CEP162: variants seen among roughly 807,000 people sequenced by gnomAD.
CEP162 encodes centrosomal protein of 162 kDa.
In CEP162, 141 loss-of-function variants were observed where a neutral mutation model predicts 169.2. The observed-to-expected ratio is 0.83, with a 90% confidence interval of 0.73 to 0.96. The LOEUF (loss-of-function observed/expected upper bound fraction) is 0.96, where lower values mean the gene tolerates loss of function less well. CEP162 is among the 40% of genes least tolerant of loss of function. The probability of loss-of-function intolerance (pLI) is 0.00; values close to 1 mark genes in which losing one functional copy is unlikely to be tolerated. For synonymous variants in CEP162, 540 were observed against 526.4 expected (o/e 1.03, Z -0.35); for missense variants, 1,600 against 1,587.2 (o/e 1.01, Z -0.14).
intron 3 of CEP162, among the ~76,000 whole-genome samples, chr6:84,216,591 A>T (rs1484882677): frequency 6.6e-6 from 1 of 152,202 alleles, no homozygotes; most frequent in East Asian, 1.9e-4. Flanking sequence ...GCTAATATAT[A>T]TTAAGCATAT....
rs750760907 is a variant in CEP162 at position 84,186,616 on chromosome 6, T to C, written c.1117A>G (p.Lys373Glu). The C allele has an allele frequency of 6.2e-7, 1 of 1,600,430 alleles. No homozygotes were observed. Among genetic ancestry groups the C allele is most frequent in the Non-Finnish European group, 8.5e-7 (1 of 1,174,896 alleles). Residue 373 changes from lysine (K) to glutamate (E), a missense_variant, in exon 12 of 27, where the codon AAA becomes GAA. Coordinates refer to ENST00000403245, the MANE Select transcript of CEP162 (RefSeq NM_014895.4). ...GFDLQPVSSEKVAERKETEFF... is the reference protein window; with the variant it reads ...GFDLQPVSSEEVAERKETEFF... ...TCAGTTTCTTTTCTTTCGGCCACTT[T>C]CTCAGAGCTATAAAACAAAACAGGA...
At chr6:84,194,363 AAAAAG>A (rs1386180611) in intron 10 of CEP162, among the ~76,000 whole-genome samples, 5 of 143,932 alleles carry the variant, frequency 3.5e-5, no homozygotes, top group East Asian at 2.0e-4. Context: ...TCAAAAAAAA[AAAAAG>A]AAAAGAAAAG....
intron 2 of CEP162, among the ~76,000 whole-genome samples, chr6:84,221,566 G>T (rs1317926047): frequency 6.6e-6 from 1 of 152,072 alleles, no homozygotes; most frequent in Admixed American, 6.5e-5. Flanking sequence ...ATATAAGGAA[G>T]AACTGAGTTT....
intron 2 of CEP162, 134 bp downstream of exon 2, chr6:84,226,203 A>G (rs2099555679): frequency 3.2e-6 from 2 of 631,384 alleles, no homozygotes; most frequent in Non-Finnish European, 5.6e-6. Context: ...AGTGGCAGAA[A>G]AGGGACAGGG....
intron 25 of CEP162, among the ~76,000 whole-genome samples, chr6:84,136,692 C>T (rs2099514237): frequency 6.6e-6 from 1 of 152,158 alleles, no homozygotes; most frequent in Non-Finnish European, 1.5e-5. Flanking sequence ...GGACTGACAT[C>T]TGCTCACTAA....
At chr6:84,207,320 A>C (rs1311222151) in intron 6 of CEP162, among the ~76,000 whole-genome samples, 5 of 152,174 alleles carry the variant, frequency 3.3e-5, no homozygotes, top group Non-Finnish European at 7.4e-5. Context: ...AGTCAACCCA[A>C]ATGTCCATCA....
At chr6:84,203,898 T>A (rs2099545655) in intron 7 of CEP162, 83 bp downstream of exon 7, 2 of 623,542 alleles carry the variant, frequency 3.2e-6, no homozygotes, top group Non-Finnish European at 5.3e-6. Flanking sequence ...AGAACTCCAT[T>A]TTTTGAGCTC....
chr6:84,178,832 C>T (rs117297832), intron 13 of CEP162, among the ~76,000 whole-genome samples: 7,063 of 152,154 alleles, frequency 0.046, 249 homozygotes, highest in South Asian at 0.088. Context: ...CACGACAGGC[C>T]CTGGTATGTG....
intron 25 of CEP162, among the ~76,000 whole-genome samples, chr6:84,133,666 T>A (rs2099512597): frequency 6.6e-6 from 1 of 152,172 alleles, no homozygotes; most frequent in Admixed American, 6.5e-5. Context: ...CTCTGAGCCA[T>A]GCGCGGGATA....
At chr6:84,165,598 A>G (rs541460681) in intron 18 of CEP162, among the ~76,000 whole-genome samples, 6 of 152,240 alleles carry the variant, frequency 3.9e-5, no homozygotes, top group African/African-American at 1.4e-4. Context: ...ACGGGGACCA[A>G]CACTGATTTA....
chr6:84,180,263 A>G (rs1292276433), intron 13 of CEP162, among the ~76,000 whole-genome samples: 2 of 152,230 alleles, frequency 1.3e-5, no homozygotes, highest in South Asian at 2.1e-4. Flanking sequence ...ATCTCAATAG[A>G]TGTAGAAAAG....
chr6:84,217,732 T>C (rs1446878147), intron 3 of CEP162: 2 of 152,368 alleles, frequency 1.3e-5, no homozygotes, highest in Non-Finnish European at 2.9e-5. Flanking sequence ...GAAGTCAGGT[T>C]ATTAGAGGCA....
chr6:84,205,793 G>T (rs905123510), intron 6 of CEP162, among the ~76,000 whole-genome samples: 1 of 151,628 alleles, frequency 6.6e-6, no homozygotes, highest in Non-Finnish European at 1.5e-5. Context: ...CCTGTTTGCA[G>T]ATGACATGAT....
At chr6:84,191,720 T>C (rs2099540012) in intron 11 of CEP162, among the ~76,000 whole-genome samples, 1 of 152,178 alleles carries the variant, frequency 6.6e-6, no homozygotes, top group Admixed American at 6.5e-5. Context: ...TGGGGCTGCC[T>C]GCTTGGGGAA....
In CEP162 at chr6:84,185,406, T is replaced by A; in HGVS notation, c.1444A>T (p.Met482Leu). Reference sequence around the variant, plus strand: ...TTCTTGTATGGTACCTGTTTACCCATTACAGCCCCTTCTTCTTCAGAACTA... The same window carrying A: ...TTCTTGTATGGTACCTGTTTACCCAATACAGCCCCTTCTTCTTCAGAACTA... ...QLSSEEEGAV[M>L]GKQVPYKKAR... The change falls in exon 13 of 27, where the codon ATG becomes TTG. Residue 482 changes from methionine to leucine, a missense_variant. By Grantham distance (15) the Met-to-Leu change is conservative. Transcript: ENST00000403245. 1 of 1,613,584 alleles carries A rather than the reference T, an allele frequency of 6.2e-7. No individual in the cohort carries two copies. Among genetic ancestry groups the A allele is most frequent in the Non-Finnish European group, 8.5e-7 (1 of 1,179,536 alleles).
chr6:84,181,418 A>C (rs189666734), intron 13 of CEP162, among the ~76,000 whole-genome samples: 1 of 152,304 alleles, frequency 6.6e-6, no homozygotes, highest in Non-Finnish European at 1.5e-5. Flanking sequence ...AACCTAGGCA[A>C]TACCATTCAG....
chr6:84,162,742 C>T (rs943728569), intron 19 of CEP162, among the ~76,000 whole-genome samples: 14 of 152,084 alleles, frequency 9.2e-5, no homozygotes, highest in African/African-American at 3.4e-4. Context: ...TAGTAGGGAC[C>T]ATGCCACATT....
At chr6:84,141,396 A>G (rs1225699573) in intron 25 of CEP162, among the ~76,000 whole-genome samples, 1 of 152,180 alleles carries the variant, frequency 6.6e-6, no homozygotes, top group Non-Finnish European at 1.5e-5. Flanking sequence ...TAGACTTAAG[A>G]CCAACGTTAA....
chr6:84,189,557 C>T (rs185967941), intron 11 of CEP162, among the ~76,000 whole-genome samples: 4,883 of 152,236 alleles, frequency 0.032, 257 homozygotes, highest in African/African-American at 0.11. Flanking sequence ...GCAGTGCTGG[C>T]CCACCGGCGC....
Sources: allele counts gnomAD v4.1 joint callset (sites outside exome capture counted in the v4.1 genomes callset), GRCh38; gene constraint gnomAD v4.1.1; transcripts MANE v1.5; gene names NCBI Gene and HGNC (gene_info 2026-07-23, HGNC 2026-07-21).